HASPIN: variants seen among roughly 807,000 people sequenced by gnomAD.
HASPIN encodes the protein serine/threonine-protein kinase haspin.
In HASPIN, 24 loss-of-function variants were observed where a neutral mutation model predicts 28.8. The ratio of observed to expected loss-of-function variants is 0.83; its 90% confidence interval spans 0.60 to 1.17. The LOEUF is 1.17. Among genes scored for constraint, HASPIN ranks in the 50% most tolerant of loss-of-function variants. The pLI is 0.00. For missense variants in HASPIN, 1,016 were observed against 1,018.5 expected (o/e 1.00, Z 0.03); for synonymous variants, 440 against 413.1 (o/e 1.07, Z -0.79).
Position 3,724,278 on chromosome 17 carries a change from C to G in HASPIN, c.343C>G (p.Arg115Gly), listed in dbSNP as rs1271438702. Reference protein sequence around the residue: ...ARPSLTVTPRRLGLRARPPQK... With the variant: ...ARPSLTVTPRGLGLRARPPQK... ...CCCAAGCCTAACCGTGACCCCAAGA[C>G]GCCTGGGGCTGCGAGCTCGGCCCCC... The change falls in exon 1 of 1, where the codon CGC becomes GGC. Residue 115 changes from arginine (R) to glycine (G), a missense_variant. This residue lies in a region of HASPIN where 881 missense variants were observed against 845.5 expected (regional missense o/e 1.04). Transcript: ENST00000325418. The G allele has an allele frequency of 6.3e-7, 1 of 1,589,250 alleles. No individual in the cohort carries two copies. Among genetic ancestry groups the G allele is most frequent in the Admixed American group, 1.7e-5 (1 of 58,366 alleles).
In HASPIN at chr17:3,726,460, CAAG is replaced by C. The variant is rs1193942992; in HGVS notation, c.*131_*133del. ...ACAGGTTTCCAGTCAGCTTTTCAAA[CAAG>C]AATTTTGTTTCCAAATGGAAACTGA... On this transcript the variant is annotated 3_prime_UTR_variant, in exon 1 of 1. Coordinates refer to ENST00000325418, the MANE Select transcript of HASPIN (RefSeq NM_031965.2). 1.5e-6 allele frequency: 1 copy of C among 660,530 alleles called. No homozygotes were observed. Among genetic ancestry groups the C allele is most frequent in the East Asian group, 2.6e-5 (1 of 38,956 alleles). 40.9% of individuals were successfully genotyped at this position (660,530 alleles called of 1,614,324 possible). A position where few individuals can be genotyped will look rare whatever the true frequency, so the allele number is the denominator to read the frequency against.
chr17:3,726,510 A>T lies in HASPIN; in HGVS notation c.*178A>T, dbSNP rs2051216873. ...CTGAAATATTTGTTGAAATGTTTAA[A>T]TTTGCTGATAACAAATGTTCTGAAA... On this transcript the variant is annotated 3_prime_UTR_variant, in exon 1 of 1. Transcript: ENST00000325418. 1 of 596,076 alleles carries T rather than the reference A, an allele frequency of 1.7e-6. No individual in the cohort carries two copies. The highest frequency in any genetic ancestry group is 3.0e-6 in the Non-Finnish European group (1 of 330,268). The allele number at this position is 596,076 out of a possible 1,614,324, so 36.9% of individuals were successfully genotyped here.
In HASPIN at chr17:3,726,656, CT is replaced by C. The variant is rs561149704; in HGVS notation, c.*325del. 698 of 252,324 alleles carry C rather than the reference CT, an allele frequency of 2.8e-3. 8 individuals carry two copies. Among genetic ancestry groups the C allele is most frequent in the African/African-American group, 0.015 (666 of 44,846 alleles). 15.6% of individuals were successfully genotyped at this position (252,324 alleles called of 1,614,324 possible). A position where few individuals can be genotyped will look rare whatever the true frequency, so the allele number is the denominator to read the frequency against. On this transcript the variant is annotated 3_prime_UTR_variant, in exon 1 of 1. Transcript: ENST00000325418. ...TAGCCTGGTCAACATAGCAAGACCC[CT>C]GTCTCTATTTTTTTAAATAAATAAA...
Position 3,725,384 on chromosome 17 carries a change from AC to A in HASPIN, c.1450del (p.Leu484CysfsTer25). On this transcript the variant is annotated frameshift_variant, in exon 1 of 1. Transcript: ENST00000325418. LOFTEE classifies it high-confidence loss of function. ...PFSHCLPTEK[L>X]QRCEKIGEGV... ...TTAGCCATTGCCTTCCCACAGAAAAACTGCAACGCTGTGAGAAGATTGGGGA... is the reference window on the plus strand; with the variant it reads ...TTAGCCATTGCCTTCCCACAGAAAAATGCAACGCTGTGAGAAGATTGGGGA... The A allele has an allele frequency of 6.2e-7, 1 of 1,614,238 alleles. No homozygotes were observed. Among genetic ancestry groups the A allele is most frequent in the South Asian group, 1.1e-5 (1 of 91,092 alleles).
rs143260598 is a variant in HASPIN at position 3,725,571 on chromosome 17, T to G, written c.1636T>G (p.Ser546Ala). The change falls in exon 1 of 1, where the codon TCC becomes GCC. Residue 546 changes from serine (S) to alanine (A), a missense_variant. By Grantham distance (99) the Ser-to-Ala change is moderately conservative (BLOSUM62 1). Coordinates refer to ENST00000325418, the MANE Select transcript of HASPIN (RefSeq NM_031965.2). ...CATCTCCAAAGAGTTGAGCCTCTTA[T>G]CCGGTGAAGTGTGCAACCGCACAGA... ...IIISKELSLL[S>A]GEVCNRTEGF... The G allele has an allele frequency of 1.1e-5, 18 of 1,614,108 alleles. No homozygotes were observed. Among genetic ancestry groups the G allele is most frequent in the Non-Finnish European group, 1.0e-5 (12 of 1,180,050 alleles).
In HASPIN at chr17:3,725,218, G is replaced by A. The variant is rs777192115; in HGVS notation, c.1283G>A (p.Arg428Lys). ...SECSNRPVMNRTSGAPSSWHS... is the reference protein window; with the variant it reads ...SECSNRPVMNKTSGAPSSWHS... ...TGTTCAAACCGGCCTGTCATGAACA[G>A]AACAAGTGGTGCTCCGTCCTCTTGG... The change falls in exon 1 of 1, where the codon AGA (arginine) becomes AAA (lysine). Residue 428 changes from arginine (R) to lysine (K), a missense_variant. Arg to Lys is a conservative substitution (Grantham distance 26). Coordinates refer to ENST00000325418, the MANE Select transcript of HASPIN (RefSeq NM_031965.2). 1.4e-5 allele frequency: 22 copies of A among 1,614,190 alleles called. No individual in the cohort carries two copies. In the East Asian group the frequency reaches 4.7e-4, roughly 34 times the overall value.
chr17:3,725,936 C>T lies in HASPIN; in HGVS notation c.2001C>T (p.Tyr667=), dbSNP rs2051200701. The T allele has an allele frequency of 1.2e-6, 2 of 1,613,714 alleles. No individual in the cohort carries two copies. The highest frequency in any genetic ancestry group is 2.7e-5 in the African/African-American group (2 of 75,004). Residue 667 remains tyrosine (Y), a synonymous_variant, in exon 1 of 1, where the codon TAC becomes TAT. Coordinates refer to ENST00000325418, the MANE Select transcript of HASPIN (RefSeq NM_031965.2). ...AAACCAGCCTCAAAAAACTCCACTA[C>T]ACCCTCAATGGGAAGAGCAGCACTA... is the stretch of plus-strand genomic sequence containing the variant. ...LKKTSLKKLH[Y]TLNGKSSTIP...
Position 3,726,204 on chromosome 17 carries a change from A to T in HASPIN, c.2269A>T (p.Thr757Ser). The change falls in exon 1 of 1, where the codon ACC becomes TCC. Residue 757 changes from threonine (T) to serine (S), a missense_variant. By Grantham distance (58) the Thr-to-Ser change is moderately conservative (BLOSUM62 1). This residue lies in a region of HASPIN where 129 missense variants were observed against 156.2 expected (regional missense o/e 0.83). Coordinates refer to ENST00000325418, the MANE Select transcript of HASPIN (RefSeq NM_031965.2). ...YLTDKMLKQM[T>S]FKTKCNTPAM... Reference sequence around the variant, plus strand: ...GACAGACAAGATGCTGAAACAAATGACCTTCAAGACTAAATGTAACACTCC... The same window carrying T: ...GACAGACAAGATGCTGAAACAAATGTCCTTCAAGACTAAATGTAACACTCC... The T allele has an allele frequency of 6.2e-7, 1 of 1,614,178 alleles. No homozygotes were observed. The highest frequency in any genetic ancestry group is 8.5e-7 in the Non-Finnish European group (1 of 1,179,992).
In HASPIN at chr17:3,724,315, G is replaced by C. The variant is rs770106765; in HGVS notation, c.380G>C (p.Ser127Thr). The C allele has an allele frequency of 3.8e-5, 60 of 1,587,320 alleles. No individual in the cohort carries two copies. ...CGAGCTCGGCCCCCGCAGAAGTGCA[G>C]CACACCCTGCGGCCCGCTCCGACTT... ...GLRARPPQKC[S>T]TPCGPLRLPP... is the part of the protein sequence containing the mutation. Residue 127 changes from serine to threonine, a missense_variant, in exon 1 of 1, where the codon AGC becomes ACC. Transcript: ENST00000325418.
Position 3,724,893 on chromosome 17 carries a change from A to G in HASPIN, c.958A>G (p.Lys320Glu), listed in dbSNP as rs2051170008. Residue 320 changes from lysine to glutamate, a missense_variant, in exon 1 of 1, where the codon AAG becomes GAG. Physicochemically the swap from Lys to Glu is moderately conservative, Grantham distance 56. Transcript: ENST00000325418. ...RREHQEASVP[K>E]GRIVPRGIDR... ...AGAGCATCAGGAGGCCAGTGTTCCC[A>G]AGGGCCGCATTGTGCCAAGGGGAAT... is the stretch of plus-strand genomic sequence containing the variant. 1 of 1,613,558 alleles carries G rather than the reference A, an allele frequency of 6.2e-7. No individual in the cohort carries two copies. Among genetic ancestry groups the G allele is most frequent in the East Asian group, 2.2e-5 (1 of 44,872 alleles).
rs368584603 is a variant in HASPIN, at chr17:3,725,203, G to A, written c.1268G>A (p.Arg423Gln). Residue 423 changes from arginine (R) to glutamine (Q), a missense_variant, in exon 1 of 1, where the codon CGG becomes CAG. Transcript: ENST00000325418. ...TCCCTCCTATCAGAATGTTCAAACC[G>A]GCCTGTCATGAACAGAACAAGTGGT... ...SGSLLSECSN[R>Q]PVMNRTSGAP... The A allele has an allele frequency of 1.0e-4, 167 of 1,613,994 alleles. 1 individual carries two copies. The highest frequency in any genetic ancestry group is 4.0e-4 in the South Asian group (36 of 91,084).
rs1272185479 is a variant in HASPIN, at chr17:3,724,040, C to A, written c.105C>A (p.Phe35Leu). 3 of 1,595,064 alleles carry A rather than the reference C, an allele frequency of 1.9e-6. No homozygotes were observed. Among genetic ancestry groups the A allele is most frequent in the South Asian group, 2.2e-5 (2 of 90,748 alleles). The change falls in exon 1 of 1, where the codon TTC becomes TTA. Residue 35 changes from phenylalanine (F) to leucine (L), a missense_variant. Phe to Leu is a conservative substitution (Grantham distance 22). Coordinates refer to ENST00000325418, the MANE Select transcript of HASPIN (RefSeq NM_031965.2). ...CGGGCCGGGAAGCCGCGCAGTGGTTCCCGCCGCAGGACCGGAGGCGTTTCT... is the reference window on the plus strand; with the variant it reads ...CGGGCCGGGAAGCCGCGCAGTGGTTACCGCCGCAGGACCGGAGGCGTTTCT... Reference protein sequence around the residue: ...RRPGREAAQWFPPQDRRRFFN... With the variant: ...RRPGREAAQWLPPQDRRRFFN...
chr17:3,724,134 G>C lies in HASPIN; in HGVS notation c.199G>C (p.Asp67His). The change falls in exon 1 of 1, where the codon GAC becomes CAC. Residue 67 changes from aspartate to histidine, a missense_variant. By Grantham distance (81) the Asp-to-His change is moderately conservative. Transcript: ENST00000325418. ...GCAGTCCGACGATCCTGACGATCCC[G>C]ACGACCCCGACTTCCCCGGCAGCCC... The part of the protein sequence containing the change: ...PSQSDDPDDP[D>H]DPDFPGSPVR... The C allele has an allele frequency of 6.3e-7, 1 of 1,595,462 alleles. No homozygotes were observed. The highest frequency in any genetic ancestry group is 8.5e-7 in the Non-Finnish European group (1 of 1,177,396).
chr17:3,724,286 G>A lies in HASPIN; in HGVS notation c.351G>A (p.Gly117=). 1.3e-6 allele frequency: 2 copies of A among 1,588,034 alleles called. No individual in the cohort carries two copies. Among genetic ancestry groups the A allele is most frequent in the South Asian group, 1.1e-5 (1 of 89,592 alleles). ...PSLTVTPRRL[G]LRARPPQKCS... ...TAACCGTGACCCCAAGACGCCTGGG[G>A]CTGCGAGCTCGGCCCCCGCAGAAGT... is the stretch of plus-strand genomic sequence containing the variant. The change falls in exon 1 of 1, where the codon GGG becomes GGA. Residue 117 remains glycine, a synonymous_variant. Coordinates refer to ENST00000325418, the MANE Select transcript of HASPIN (RefSeq NM_031965.2).
chr17:3,726,404 A>G lies in HASPIN; in HGVS notation c.*72A>G, dbSNP rs170208. The G allele has an allele frequency of 0.5, 510,294 of 1,020,930 alleles. 135,827 individuals carry two copies. Among genetic ancestry groups the G allele is most frequent in the South Asian group, 0.61 (38,316 of 62,534 alleles). 63.2% of individuals were successfully genotyped at this position (1,020,930 alleles called of 1,614,324 possible). ...AGCCTCTGGTGCTGTTTCAACCTCC[A>G]TCCCCACAGGAGGGTGGAACTCCCA... On this transcript the variant is annotated 3_prime_UTR_variant, in exon 1 of 1. Transcript: ENST00000325418.
rs754421400 is a variant in HASPIN, at chr17:3,723,996, G to C, written c.61G>C (p.Gly21Arg). ...TTTCCGCACATATGGGGCTGCGGAC[G>C]GCAGGAGACAGCGGCGGCCGGGCCG... The part of the protein sequence containing the change: ...RLFRTYGAAD[G>R]RRQRRPGREA... The change falls in exon 1 of 1, where the codon GGC (glycine) becomes CGC (arginine). Residue 21 changes from glycine (G) to arginine (R), a missense_variant. By Grantham distance (125) the Gly-to-Arg change is moderately radical. Coordinates refer to ENST00000325418, the MANE Select transcript of HASPIN (RefSeq NM_031965.2). 5 of 1,595,116 alleles carry C rather than the reference G, an allele frequency of 3.1e-6. No individual in the cohort carries two copies. Among genetic ancestry groups the C allele is most frequent in the East Asian group, 2.3e-5 (1 of 44,200 alleles).
chr17:3,724,968 G>A lies in HASPIN; in HGVS notation c.1033G>A (p.Ala345Thr), dbSNP rs1567512597. ...AAGCCGGAAGAGCAAACATCAGGAG[G>A]CAACGGAAACCTCTCTCCTCCATTC... ...RSSRKSKHQEATETSLLHSHR... is the reference protein window; with the variant it reads ...RSSRKSKHQETTETSLLHSHR... Residue 345 changes from alanine (A) to threonine (T), a missense_variant, in exon 1 of 1, where the codon GCA becomes ACA. Physicochemically the swap from Ala to Thr is moderately conservative, Grantham distance 58. This residue lies in a region of HASPIN where 881 missense variants were observed against 845.5 expected (regional missense o/e 1.04). Transcript: ENST00000325418. The A allele has an allele frequency of 6.2e-7, 1 of 1,614,126 alleles. No individual in the cohort carries two copies. The highest frequency in any genetic ancestry group is 1.7e-5 in the Admixed American group (1 of 60,010).
At position 3,724,352 on chromosome 17, in the gene HASPIN, C is replaced by T. The variant is rs1187348873; in HGVS notation, c.417C>T (p.Pro139=). The T allele has an allele frequency of 6.3e-6, 10 of 1,599,122 alleles. No homozygotes were observed. The South Asian group carries it at 1.0e-4, about 16-fold the overall frequency. The change falls in exon 1 of 1, where the codon CCC becomes CCT. Residue 139 remains proline, a synonymous_variant. Transcript: ENST00000325418. ...GCCCGCTCCGACTTCCGCCCTTCCC[C>T]AGCCGCGACTCCGGCCGCCTCAGCC... ...PCGPLRLPPF[P]SRDSGRLSPD... is the part of the protein sequence containing the mutation.
In HASPIN at chr17:3,723,952, C is replaced by G. The variant is rs748021280; in HGVS notation, c.17C>G (p.Pro6Arg). The change falls in exon 1 of 1, where the codon CCG becomes CGG. Residue 6 changes from proline to arginine, a missense_variant. By Grantham distance (103) the Pro-to-Arg change is moderately radical (BLOSUM62 -2). Around this residue, in one of 3 missense-constraint regions of HASPIN, gnomAD observed 881 missense variants for 845.5 expected, o/e 1.04. Transcript: ENST00000325418. MAASLPGPGSRLFRTY... is the reference protein window; with the variant it reads MAASLRGPGSRLFRTY... ...GTGCCGGCCATGGCGGCTTCGCTCCCGGGACCTGGGAGCCGGCTTTTCCGC... is the reference window on the plus strand; with the variant it reads ...GTGCCGGCCATGGCGGCTTCGCTCCGGGGACCTGGGAGCCGGCTTTTCCGC... The G allele has an allele frequency of 1.3e-6, 2 of 1,562,442 alleles. No individual in the cohort carries two copies. The highest frequency in any genetic ancestry group is 1.7e-6 in the Non-Finnish European group (2 of 1,153,842).
Sources: gnomAD v4.1 joint callset for allele counts on GRCh38, gnomAD v4.1.1 for gene constraint, gnomAD v4.1.1 regional missense constraint, MANE v1.5 for transcripts, NCBI Gene and HGNC (gene_info 2026-07-23, HGNC 2026-07-21) for gene names.